The following SLC9B1 variants were observed in gnomAD, a reference collection of about 807,000 sequenced individuals.
SLC9B1 encodes the protein solute carrier family 9 member B1.
SLC9B1 carries 32 observed loss-of-function variants against 51.7 expected under a neutral mutation model. The observed-to-expected ratio is 0.62, with a 90% confidence interval of 0.47 to 0.83. The LOEUF (loss-of-function observed/expected upper bound fraction) is 0.83. Ranked by LOEUF, SLC9B1 falls within the 40% of genes least tolerant of loss-of-function variation. SLC9B1 has a pLI of 0.00. For synonymous variants in SLC9B1, 145 were observed against 212.7 expected (o/e 0.68, Z 2.77); for missense variants, 406 against 613.2 (o/e 0.66, Z 3.57).
In SLC9B1 at chr4:102,911,436, C is replaced by G. The variant is rs1412512371; in HGVS notation, c.931G>C (p.Asp311His). 6.3e-7 allele frequency: 1 copy of G among 1,589,782 alleles called. No individual in the cohort carries two copies. The highest frequency in any genetic ancestry group is 1.7e-5 in the Admixed American group (1 of 59,886). ...GFFVRYFPSEDQKKLTLKRGF... is the reference protein window; with the variant it reads ...GFFVRYFPSEHQKKLTLKRGF... ...AAAATAGATTTTGTATTTACCTGGT[C>G]TTCACTTGGAAAATATCGAACAAAA... is the stretch of plus-strand genomic sequence containing the variant. Residue 311 changes from aspartate to histidine, a missense_variant, in exon 8 of 12, where the codon GAC (aspartate) becomes CAC (histidine). This residue lies in a region of SLC9B1 where 250 missense variants were observed against 394.1 expected (regional missense o/e 0.63). Transcript: ENST00000296422.
chr4:102,888,373 T>C (rs1344289933), intron 11 of SLC9B1: 1 of 152,184 alleles, frequency 6.6e-6, no homozygotes, highest in African/African-American at 2.4e-5. Flanking sequence ...AGAACCCATA[T>C]GTAGAAAAGT....
At chr4:102,943,082 A>G (rs527801506) in intron 6 of SLC9B1, among the ~76,000 whole-genome samples, 1 of 152,102 alleles carries the variant, frequency 6.6e-6, no homozygotes, top group East Asian at 1.9e-4. Context: ...AAAATCCTCA[A>G]TATCACTAAT....
chr4:102,955,533 G>T (rs1392064127), intron 3 of SLC9B1, among the ~76,000 whole-genome samples: 1 of 152,102 alleles, frequency 6.6e-6, no homozygotes, highest in Non-Finnish European at 1.5e-5. Flanking sequence ...GGTGGATTTG[G>T]TATGGAGTAG....
chr4:102,995,732 C>T (rs1008915314), intron 1 of SLC9B1, among the ~76,000 whole-genome samples: 15 of 152,230 alleles, frequency 9.9e-5, no homozygotes, highest in African/African-American at 3.6e-4. Flanking sequence ...TTCAACTCTT[C>T]TCTTATCTTT....
At chr4:102,890,505 C>A (rs1377156956) in intron 11 of SLC9B1, 1 of 151,990 alleles carries the variant, frequency 6.6e-6, no homozygotes, top group Non-Finnish European at 1.5e-5. Flanking sequence ...TCTGGAGAGA[C>A]CAGGGGAGAT....
intron 6 of SLC9B1, among the ~76,000 whole-genome samples, chr4:102,935,228 T>C (rs1736660964): frequency 6.6e-6 from 1 of 152,078 alleles, no homozygotes; most frequent in Non-Finnish European, 1.5e-5. Flanking sequence ...GGACAACACA[T>C]ATATAAAAGA....
At chr4:102,980,874 A>T (rs766726536) in intron 3 of SLC9B1, among the ~76,000 whole-genome samples, 1 of 152,218 alleles carries the variant, frequency 6.6e-6, no homozygotes, top group Non-Finnish European at 1.5e-5. Flanking sequence ...CAGAGTTTAC[A>T]TTAGGTTCCC....
intron 7 of SLC9B1, among the ~76,000 whole-genome samples, chr4:102,922,914 A>T (rs1003106805): frequency 2.0e-5 from 3 of 152,166 alleles, no homozygotes; most frequent in African/African-American, 7.2e-5. Flanking sequence ...GCAATAATTA[A>T]TAGCCTACCA....
chr4:102,929,544 A>G (rs866719305), intron 7 of SLC9B1, among the ~76,000 whole-genome samples: 13 of 152,056 alleles, frequency 8.5e-5, no homozygotes, highest in Admixed American at 5.9e-4. Flanking sequence ...TTTTTTTCAG[A>G]CAGTCTCCCC....
At chr4:103,002,497 G>GA (rs1482201994) in intron 1 of SLC9B1, among the ~76,000 whole-genome samples, 4 of 151,926 alleles carry the variant, frequency 2.6e-5, no homozygotes, top group Non-Finnish European at 1.5e-5. Flanking sequence ...CAAGAAAAGA[G>GA]AAAAAAATCC....
intron 6 of SLC9B1, among the ~76,000 whole-genome samples, chr4:102,938,553 A>T (rs967544780): frequency 3.9e-5 from 6 of 152,168 alleles, no homozygotes; most frequent in African/African-American, 7.2e-5. Flanking sequence ...CACTCCACCC[A>T]ACAACAACAG....
At chr4:103,008,847 G>T (rs1489292092) in intron 1 of SLC9B1, among the ~76,000 whole-genome samples, 3 of 140,714 alleles carry the variant, frequency 2.1e-5, no homozygotes, top group African/African-American at 2.7e-5. Context: ...TAGCCCAGGC[G>T]GGAGTGCAGT....
At chr4:102,958,255 G>A (rs4699038) in intron 3 of SLC9B1, among the ~76,000 whole-genome samples, 23,001 of 151,982 alleles carry the variant, frequency 0.15, 2,178 homozygotes, top group East Asian at 0.21. Context: ...GTGAGATCTC[G>A]TCATTTAAAA....
chr4:102,984,319 G>A (rs1259599159), intron 3 of SLC9B1, among the ~76,000 whole-genome samples: 1 of 152,006 alleles, frequency 6.6e-6, no homozygotes, highest in Non-Finnish European at 1.5e-5. Context: ...GCTTCATCAT[G>A]TTGCCAGGCT....
intron 7 of SLC9B1, among the ~76,000 whole-genome samples, chr4:102,918,794 CAAGAAATA>C (rs1227976198): frequency 6.6e-6 from 1 of 152,112 alleles, no homozygotes; most frequent in Admixed American, 6.5e-5. Context: ...TTCCAGAACG[CAAGAAATA>C]AATTTCTGTT....
intron 3 of SLC9B1, among the ~76,000 whole-genome samples, chr4:102,986,803 A>G (rs949759921): frequency 1.4e-4 from 22 of 152,114 alleles, no homozygotes; most frequent in African/African-American, 2.7e-4. Context: ...AGTGTTTTTG[A>G]TATCTGGCAT....
intron 3 of SLC9B1, among the ~76,000 whole-genome samples, chr4:102,957,761 T>A (rs1049985747): frequency 2.0e-5 from 3 of 151,738 alleles, no homozygotes; most frequent in African/African-American, 7.3e-5. Context: ...TATAAAAGAT[T>A]GTATGTGTGT....
chr4:102,926,226 G>T (rs999661352), intron 7 of SLC9B1, among the ~76,000 whole-genome samples: 1 of 152,168 alleles, frequency 6.6e-6, no homozygotes, highest in South Asian at 2.1e-4. Flanking sequence ...TATTCAACAT[G>T]GTGTTGGAAG....
chr4:102,945,346 G>T (rs1199731321), intron 5 of SLC9B1, 26 bp from the exon 6 acceptor site: 1 of 1,530,754 alleles, frequency 6.5e-7, no homozygotes, highest in Non-Finnish European at 8.8e-7. Context: ...GTCACACTTA[G>T]ATACATTTAC....
Sources: allele counts gnomAD v4.1 joint callset (sites outside exome capture counted in the v4.1 genomes callset), GRCh38; gene constraint gnomAD v4.1.1; regional missense constraint gnomAD v4.1.1; transcripts MANE v1.5; gene names NCBI Gene and HGNC (gene_info 2026-07-23, HGNC 2026-07-21).